The following DEFB110 variants were observed in gnomAD, a reference collection of about 807,000 sequenced individuals.
The protein encoded by DEFB110 is beta-defensin 110.
DEFB110 carries 4 observed loss-of-function variants against 2.5 expected under a neutral mutation model. That is an observed-to-expected ratio of 1.60 (90% CI 0.79 to 3.66). DEFB110 has a LOEUF of 3.66. DEFB110 is among the 30% of genes most tolerant of loss of function. The pLI is 0.01. For missense variants in DEFB110, 94 were observed against 75.4 expected, an observed-to-expected ratio of 1.25 and a Z score of -0.91; for synonymous variants, 29 against 21.8, an observed-to-expected ratio of 1.33 and a Z score of -0.92.
downstream of DEFB110, among the ~76,000 whole-genome samples, chr6:50,014,511 G>T (rs1415217198): frequency 6.6e-6 from 1 of 151,680 alleles, no homozygotes; most frequent in Non-Finnish European, 1.5e-5. Context: ...TAAGAATTTT[G>T]ACTTACAAAA....
intron 1 of DEFB110, among the ~76,000 whole-genome samples, chr6:50,012,813 A>G (rs930757895): frequency 1.3e-5 from 2 of 151,834 alleles, no homozygotes; most frequent in African/African-American, 4.8e-5. Context: ...ATAGGTGGGG[A>G]CAAAGATAAA....
downstream of DEFB110, among the ~76,000 whole-genome samples, chr6:50,014,506 AT>A (rs1426042963): frequency 6.6e-6 from 1 of 151,834 alleles, no homozygotes; most frequent in Non-Finnish European, 1.5e-5. Flanking sequence ...ATTTTTAAGA[AT>A]TTTGACTTAC....
At chr6:50,019,572 C>T (rs940920541) in intron 1 of DEFB110, among the ~76,000 whole-genome samples, 14 of 152,052 alleles carry the variant, frequency 9.2e-5, no homozygotes, top group African/African-American at 3.1e-4. Flanking sequence ...AAGAGCTAGG[C>T]AACGCTAGTG....
At chr6:50,016,451 T>TA (rs1774317380), downstream of DEFB110, among the ~76,000 whole-genome samples, 1 of 151,852 alleles carries the variant, frequency 6.6e-6, no homozygotes, top group Non-Finnish European at 1.5e-5. Context: ...TAGAACGAAT[T>TA]AGTTTAACAT....
rs531273123 is a variant in DEFB110, at chr6:50,021,819, A to C, written c.55+62T>G. ...TATGTTATTATCATATTTTTTATCA[A>C]GAAACAACTTATGTCTTCTCAAATT... On this transcript the variant is annotated intron_variant, in intron 1 of 1. Transcript: ENST00000371148. 8.9e-4 allele frequency: 1,294 copies of C among 1,448,256 alleles called. 2 individuals carry two copies. Among genetic ancestry groups the C allele is most frequent in the South Asian group, 1.6e-3 (116 of 74,318 alleles). 89.7% of individuals were successfully genotyped at this position (1,448,256 alleles called of 1,614,324 possible).
At chr6:50,010,844 CTA>C (rs1774214298) in intron 1 of DEFB110, among the ~76,000 whole-genome samples, 2 of 151,414 alleles carry the variant, frequency 1.3e-5, no homozygotes, top group African/African-American at 4.8e-5. Flanking sequence ...TTTGTCAACT[CTA>C]AAACCACCAA....
chr6:50,020,110 A>T lies in DEFB110; in HGVS notation c.56-985T>A, dbSNP rs926799242. Reference sequence around the variant, plus strand: ...TTTGTAGCTGGGGTCACAAGAAGACATGTCCAGGAGAGCAAAACTGCAACT... The same window carrying T: ...TTTGTAGCTGGGGTCACAAGAAGACTTGTCCAGGAGAGCAAAACTGCAACT... On this transcript the variant is annotated intron_variant, in intron 1 of 1. Transcript: ENST00000371148. Among the ~76,000 whole-genome samples the T allele has an allele frequency of 2.6e-5, 4 of 152,260 alleles. No homozygotes were observed. In the South Asian group the frequency reaches 6.2e-4, roughly 24 times the overall value.
At chr6:50,014,250 A>G (rs1243094850), downstream of DEFB110, among the ~76,000 whole-genome samples, 1 of 151,908 alleles carries the variant, frequency 6.6e-6, no homozygotes, top group Non-Finnish European at 1.5e-5. Flanking sequence ...CATATATAAC[A>G]TGAGCAAGAA....
Position 50,021,958 on chromosome 6 carries a change from G to T in DEFB110, c.-23C>A, listed in dbSNP as rs2113944665. 1.3e-6 allele frequency: 2 copies of T among 1,530,388 alleles called. No homozygotes were observed. Among genetic ancestry groups the T allele is most frequent in the East Asian group, 4.9e-5 (2 of 40,778 alleles). The allele number at this position is 1,530,388 out of a possible 1,614,324, so 94.8% of individuals were successfully genotyped here. A position where few individuals can be genotyped will look rare whatever the true frequency, so the allele number is the denominator to read the frequency against. ...CATGGTAGAGAGTTTCTTAAAAAAA[G>T]GGGGCAACAGACCTCCTTTTTCAAG... On this transcript the variant is annotated 5_prime_UTR_variant, in exon 1 of 2. Coordinates refer to ENST00000371148, the MANE Select transcript of DEFB110 (RefSeq NM_001037497.2).
chr6:50,016,767 C>T (rs1774324303), downstream of DEFB110, among the ~76,000 whole-genome samples: 1 of 151,542 alleles, frequency 6.6e-6, no homozygotes, highest in South Asian at 2.1e-4. Context: ...CGTAGGTTCA[C>T]ATTCTCCTTC....
At chr6:50,018,494 C>G (rs907814422), downstream of DEFB110, among the ~76,000 whole-genome samples, 1 of 151,956 alleles carries the variant, frequency 6.6e-6, no homozygotes, top group Non-Finnish European at 1.5e-5. Flanking sequence ...CTCTGTCTCT[C>G]TCACAATAAA....
At chr6:50,011,541 C>T (rs1359942843) in intron 1 of DEFB110, among the ~76,000 whole-genome samples, 3 of 152,014 alleles carry the variant, frequency 2.0e-5, no homozygotes, top group Non-Finnish European at 4.4e-5. Flanking sequence ...TCAACACAAT[C>T]CTGCATACAC....
At chr6:50,021,771 T>C in intron 1 of DEFB110, 110 bp downstream of exon 1, 1 of 1,017,562 alleles carries the variant, frequency 9.8e-7, no homozygotes, top group Non-Finnish European at 1.4e-6. Context: ...CATTACATTT[T>C]TGTGAAATGA....
At chr6:50,019,350 T>C (rs1332948794) in intron 1 of DEFB110, among the ~76,000 whole-genome samples, 1 of 152,086 alleles carries the variant, frequency 6.6e-6, no homozygotes, top group African/African-American at 2.4e-5. Context: ...TACAAGAAAC[T>C]GGGCAGTGAC....
chr6:50,021,480 C>G (rs1271930208), intron 1 of DEFB110, among the ~76,000 whole-genome samples: 1 of 152,192 alleles, frequency 6.6e-6, no homozygotes, highest in African/African-American at 2.4e-5. Context: ...CTGATCATTA[C>G]TTTCAACAAA....
intron 1 of DEFB110, among the ~76,000 whole-genome samples, chr6:50,010,477 A>T (rs1774209149): frequency 6.6e-6 from 1 of 151,538 alleles, no homozygotes; most frequent in Non-Finnish European, 1.5e-5. Flanking sequence ...GGTAGAAAAT[A>T]ATTAAACGTA....
chr6:50,021,643 GT>G (rs1774419842), intron 1 of DEFB110, among the ~76,000 whole-genome samples: 1 of 152,112 alleles, frequency 6.6e-6, no homozygotes, highest in Non-Finnish European at 1.5e-5. Flanking sequence ...ACGAATTAAT[GT>G]TGATGTAATA....
rs114284479 is a variant in DEFB110 at position 50,012,389 on chromosome 6, G to C, written c.56-3118C>G. On this transcript the variant is annotated intron_variant, in intron 1 of 1. Coordinates refer to the DEFB110 transcript ENST00000393660. ...AATAAGATAAATAACTGAAAAAAAA[G>C]AGCGAGTGAATGCATATGTTATTAC... Among the ~76,000 whole-genome samples the C allele has an allele frequency of 8.8e-3, 1,330 of 151,922 alleles. 30 individuals are homozygous for C. The highest frequency in any genetic ancestry group is 0.03 in the African/African-American group (1,250 of 41,484).
At chr6:50,018,746 C>A (rs935389071), downstream of DEFB110, 4 of 1,129,872 alleles carry the variant, frequency 3.5e-6, no homozygotes, top group Non-Finnish European at 3.3e-6. Context: ...ACTTGAGGAA[C>A]TTGCATAAAA....
Sources: gnomAD v4.1 joint callset for allele counts (sites outside exome capture counted in the v4.1 genomes callset) on GRCh38, gnomAD v4.1.1 for gene constraint, MANE v1.5 for transcripts, NCBI Gene and HGNC (gene_info 2026-07-23, HGNC 2026-07-21) for gene names.